The following TRPM8 variants were observed in gnomAD, a reference collection of about 807,000 sequenced individuals.
TRPM8 encodes TRPM8 cationic channel.
Under a neutral mutation model 133.7 loss-of-function variants are expected in TRPM8, and 110 were observed. The observed-to-expected ratio is 0.82, with a 90% CI of 0.70 to 0.96. TRPM8 has a LOEUF of 0.96. TRPM8 is among the 40% of genes least tolerant of loss of function. The pLI is 0.00. For missense variants in TRPM8, 1,291 were observed against 1,379.5 expected, an observed-to-expected ratio of 0.94 and a Z score of 1.02; for synonymous variants, 535 against 532.3, an observed-to-expected ratio of 1.01 and a Z score of -0.07.
intron 17 of TRPM8, among the ~76,000 whole-genome samples, chr2:233,972,907 G>A (rs2125238052): frequency 6.6e-6 from 1 of 152,352 alleles, no homozygotes; most frequent in South Asian, 2.1e-4. Flanking sequence ...AGCCCAGAAA[G>A]GGGCTCCCAC....
intron 18 of TRPM8, 22 bp from the exon 19 acceptor site, chr2:233,981,752 C>T (rs1692014631): frequency 1.3e-6 from 2 of 1,582,542 alleles, no homozygotes; most frequent in East Asian, 2.3e-5. Context: ...CTCATGAATT[C>T]TGTTCCTTCT....
At chr2:233,960,355 G>T (rs772933640) in intron 11 of TRPM8, among the ~76,000 whole-genome samples, 1 of 152,110 alleles carries the variant, frequency 6.6e-6, no homozygotes, top group African/African-American at 2.4e-5. Context: ...GTCATAATTG[G>T]TATCTGCTGT....
Position 234,008,066 on chromosome 2 carries a change from G to C in TRPM8, c.3231-4G>C. On this transcript the variant is annotated splice_region_variant and splice_polypyrimidine_tract_variant and intron_variant, in intron 23 of 25. Coordinates refer to ENST00000324695, the MANE Select transcript of TRPM8 (RefSeq NM_024080.5). ...CACTTTCTTTTTCATTAACTTCTTT[G>C]CAGAATGAGGCATCGATTTAGACAA... The C allele has an allele frequency of 6.2e-7, 1 of 1,607,240 alleles. No individual in the cohort carries two copies. Among genetic ancestry groups the C allele is most frequent in the Non-Finnish European group, 8.5e-7 (1 of 1,178,338 alleles).
chr2:234,007,047 G>A, intron 23 of TRPM8, 95 bp downstream of exon 23: 1 of 834,200 alleles, frequency 1.2e-6, no homozygotes, highest in Non-Finnish European at 2.0e-6. Flanking sequence ...TCAGTAAAGA[G>A]CATTTTCAAC....
chr2:234,005,175 T>C (rs1255518891), intron 22 of TRPM8, among the ~76,000 whole-genome samples: 1 of 152,024 alleles, frequency 6.6e-6, no homozygotes, highest in African/African-American at 2.4e-5. Flanking sequence ...TCCCCCCTCC[T>C]CCACCTTCTG....
At chr2:234,004,853 C>T (rs1289976586) in intron 22 of TRPM8, among the ~76,000 whole-genome samples, 1 of 152,174 alleles carries the variant, frequency 6.6e-6, no homozygotes, top group Non-Finnish European at 1.5e-5. Context: ...TACACACACA[C>T]ATTCATAATC....
chr2:233,986,916 C>T (rs151250724), intron 21 of TRPM8, among the ~76,000 whole-genome samples: 52 of 152,248 alleles, frequency 3.4e-4, no homozygotes, highest in African/African-American at 9.6e-4. Flanking sequence ...AACAATGAAA[C>T]GCTGTTTTAA....
intron 5 of TRPM8, 72 bp downstream of exon 5, chr2:233,939,247 T>C (rs1690843800): frequency 8.5e-6 from 13 of 1,534,672 alleles, no homozygotes; most frequent in South Asian, 1.2e-5. Context: ...GAGAAGGCAG[T>C]TCCCGTGTGC....
chr2:233,929,605 G>C (rs28901611), intron 2 of TRPM8: 13,886 of 152,246 alleles, frequency 0.091, 1,705 homozygotes, highest in East Asian at 0.34. Flanking sequence ...GGGAGAGGAA[G>C]TTCCTAGCAG....
intron 11 of TRPM8, among the ~76,000 whole-genome samples, chr2:233,956,982 A>C (rs1283618976): frequency 6.6e-6 from 1 of 152,180 alleles, no homozygotes; most frequent in African/African-American, 2.4e-5. Context: ...AACTCAGCTA[A>C]AGATGGTTAA....
intron 12 of TRPM8, among the ~76,000 whole-genome samples, chr2:233,961,733 G>A (rs1382834815): frequency 1.3e-5 from 2 of 148,334 alleles, no homozygotes; most frequent in Non-Finnish European, 3.0e-5. Context: ...AGATTCAAGC[G>A]ATTCTTCTGC....
chr2:233,949,412 G>A (rs1691122483), intron 8 of TRPM8, among the ~76,000 whole-genome samples: 1 of 152,168 alleles, frequency 6.6e-6, no homozygotes, highest in South Asian at 2.1e-4. Flanking sequence ...TGTTTATCCA[G>A]GAAGAAAATA....
intron 12 of TRPM8, among the ~76,000 whole-genome samples, chr2:233,961,783 C>G (rs111410813): frequency 1.3e-5 from 2 of 151,710 alleles, no homozygotes; most frequent in African/African-American, 4.8e-5. Flanking sequence ...GCGTCAGCCA[C>G]CATACCTGGC....
chr2:233,964,146 T>G (rs1691504360), intron 13 of TRPM8, among the ~76,000 whole-genome samples: 1 of 152,188 alleles, frequency 6.6e-6, no homozygotes, highest in Admixed American at 6.5e-5. Context: ...CATTTGCACG[T>G]GTTGACCATA....
chr2:234,006,658 C>T (rs2125394220), intron 22 of TRPM8, among the ~76,000 whole-genome samples, 195 bp from the exon 23 acceptor site: 1 of 152,314 alleles, frequency 6.6e-6, no homozygotes, highest in South Asian at 2.1e-4. Context: ...TCCAATTCTT[C>T]ATTGTTAGGA....
At chr2:233,985,360 A>G (rs1489848319) in intron 20 of TRPM8, among the ~76,000 whole-genome samples, 1 of 152,232 alleles carries the variant, frequency 6.6e-6, no homozygotes, top group African/African-American at 2.4e-5. Context: ...TTAGCACTTT[A>G]CATGGACTGA....
chr2:233,964,173 A>C (rs1414739314), intron 13 of TRPM8, among the ~76,000 whole-genome samples: 1 of 152,206 alleles, frequency 6.6e-6, no homozygotes, highest in Non-Finnish European at 1.5e-5. Flanking sequence ...AACCCGTCCC[A>C]TAAAATTGAT....
chr2:233,986,736 A>G (rs1692156445), intron 21 of TRPM8, among the ~76,000 whole-genome samples: 1 of 152,232 alleles, frequency 6.6e-6, no homozygotes, highest in African/African-American at 2.4e-5. Context: ...CATATAATGA[A>G]CAAAGGCTTT....
chr2:233,940,731 A>G (rs1275446066), intron 5 of TRPM8, among the ~76,000 whole-genome samples: 2 of 152,240 alleles, frequency 1.3e-5, no homozygotes. Flanking sequence ...CAGTAAGTCA[A>G]TCACTGCAAG....
Sources: allele counts gnomAD v4.1 joint callset (sites outside exome capture counted in the v4.1 genomes callset), GRCh38; gene constraint gnomAD v4.1.1; transcripts MANE v1.5; gene names NCBI Gene and HGNC (gene_info 2026-07-23, HGNC 2026-07-21).